The following TGFBR3 variants were observed in gnomAD, a reference collection of about 807,000 sequenced individuals.
The protein encoded by TGFBR3 is transforming growth factor beta receptor type 3.
Under a neutral mutation model 87.9 loss-of-function variants are expected in TGFBR3, and 46 were observed. The ratio of observed to expected loss-of-function variants is 0.52; its 90% CI spans 0.41 to 0.67. The LOEUF is 0.67. TGFBR3 is among the 30% of genes least tolerant of loss of function. The pLI is 0.00. For missense variants in TGFBR3, 866 were observed against 1,041.9 expected (o/e 0.83, Z 2.32); for synonymous variants, 381 against 391.6 (o/e 0.97, Z 0.32).
chr1:91,716,547 C>CT (rs764260230), intron 11 of TGFBR3, 21 bp downstream of exon 11: 1 of 1,614,076 alleles, frequency 6.2e-7, no homozygotes, highest in East Asian at 2.2e-5. Flanking sequence ...CACAAACCCC[C>CT]TACTGATAAC....
chr1:91,902,843 A>AAGG (rs374456350), intron 1 of TGFBR3, among the ~76,000 whole-genome samples: 149 of 152,054 alleles, frequency 9.8e-4, no homozygotes, highest in African/African-American at 3.3e-3. Context: ...TAGTTTAGGA[A>AAGG]AGGAGACAGC....
At chr1:91,854,946 C>T (rs534435943) in intron 2 of TGFBR3, among the ~76,000 whole-genome samples, 1 of 152,186 alleles carries the variant, frequency 6.6e-6, no homozygotes, top group Non-Finnish European at 1.5e-5. Context: ...AAATGAAATA[C>T]CTGTTATAAA....
intron 1 of TGFBR3, among the ~76,000 whole-genome samples, chr1:91,902,902 A>T (rs4261158): frequency 0.91 from 137,406 of 151,810 alleles, 63,001 homozygotes; most frequent in Non-Finnish European, 0.99. Context: ...CCCTGCCTGC[A>T]ATGCTGAGGA....
chr1:91,695,739 A>G lies in TGFBR3; in HGVS notation c.2370T>C (p.Ile790=). ...HGLDTLTVMG[I]AFAAFVIGAL... is the part of the protein sequence containing the mutation. The stretch of plus-strand genomic sequence containing the variant: ...CTCCGATCACAAAGGCTGCAAACGC[A>G]ATGCCCATCACGGTTAGGGTGTCCA... Residue 790 remains isoleucine, a synonymous_variant, in exon 16 of 17, where the codon ATT becomes ATC. Transcript: ENST00000212355. The G allele has an allele frequency of 1.2e-6, 2 of 1,614,200 alleles. No individual in the cohort carries two copies. The highest frequency in any genetic ancestry group is 1.7e-6 in the Non-Finnish European group (2 of 1,180,016).
intron 2 of TGFBR3, among the ~76,000 whole-genome samples, chr1:91,834,156 C>A (rs1676969886): frequency 6.6e-6 from 1 of 152,136 alleles, no homozygotes; most frequent in Non-Finnish European, 1.5e-5. Flanking sequence ...GTTCTTTTAA[C>A]ACTCAAAGCT....
intron 2 of TGFBR3, among the ~76,000 whole-genome samples, chr1:91,807,838 G>C (rs929239780): frequency 2.0e-5 from 3 of 152,182 alleles, no homozygotes. Context: ...GGAGATACAG[G>C]AGCTGGGTTT....
chr1:91,793,400 A>G (rs1027390686), intron 3 of TGFBR3, among the ~76,000 whole-genome samples: 1 of 152,182 alleles, frequency 6.6e-6, no homozygotes, highest in African/African-American at 2.4e-5. Context: ...ATGAAAACCA[A>G]CTACTCCAGT....
At chr1:91,885,459 G>A (rs1156611565) in intron 1 of TGFBR3, among the ~76,000 whole-genome samples, 2 of 152,116 alleles carry the variant, frequency 1.3e-5, no homozygotes, top group Non-Finnish European at 1.5e-5. Flanking sequence ...ACGAGTCCGG[G>A]AGCCACAGCC....
chr1:91,738,356 AC>A (rs1394126147), intron 4 of TGFBR3, among the ~76,000 whole-genome samples: 4 of 152,106 alleles, frequency 2.6e-5, no homozygotes, highest in Non-Finnish European at 5.9e-5. Context: ...TTGAATGGTA[AC>A]CCCCAACGTT....
chr1:91,747,886 C>A (rs921300009), intron 4 of TGFBR3, among the ~76,000 whole-genome samples: 1 of 152,214 alleles, frequency 6.6e-6, no homozygotes, highest in Non-Finnish European at 1.5e-5. Flanking sequence ...GGCCTCCCTG[C>A]GGACTTTGAT....
chr1:91,717,775 T>C (rs1460130857), intron 10 of TGFBR3, among the ~76,000 whole-genome samples: 44 of 151,192 alleles, frequency 2.9e-4, no homozygotes. Flanking sequence ...ATCTAGGATA[T>C]TGCTAAACTC....
chr1:91,720,895 C>G (rs2100784740), intron 8 of TGFBR3, among the ~76,000 whole-genome samples: 1 of 152,300 alleles, frequency 6.6e-6, no homozygotes, highest in African/African-American at 2.4e-5. Flanking sequence ...GGTATCTGGG[C>G]ACCTTGGCCT....
rs1188698208 is a variant in TGFBR3 at position 91,719,761 on chromosome 1, TC to T, written c.1413+131del. On this transcript the variant is annotated intron_variant, in intron 9 of 16. Transcript: ENST00000212355. ...TCACAGCCAAGGGGAAGTAGGCCCA[TC>T]CAACTGAGAAAACAGTATCAAGCCT... 6 of 1,051,984 alleles carry T rather than the reference TC, an allele frequency of 5.7e-6. No individual in the cohort carries two copies. In the African/African-American group the frequency reaches 9.4e-5, roughly 16 times the overall value. 65.2% of individuals were successfully genotyped at this position (1,051,984 alleles called of 1,614,324 possible).
At chr1:91,688,775 G>A (rs1671178043) in intron 16 of TGFBR3, among the ~76,000 whole-genome samples, 1 of 152,072 alleles carries the variant, frequency 6.6e-6, no homozygotes, top group Non-Finnish European at 1.5e-5. Context: ...CCCAAGTCAG[G>A]TAAGAGGTTT....
chr1:91,884,338 C>A (rs565157810), intron 1 of TGFBR3, among the ~76,000 whole-genome samples: 1 of 151,322 alleles, frequency 6.6e-6, no homozygotes, highest in South Asian at 2.1e-4. Context: ...AAAAAAATTT[C>A]CATGTTAATT....
chr1:91,707,831 C>G (rs1671845741), intron 14 of TGFBR3, among the ~76,000 whole-genome samples: 1 of 152,238 alleles, frequency 6.6e-6, no homozygotes, highest in Admixed American at 6.5e-5. Context: ...CAGATGCTGA[C>G]AGCTGCCTGG....
intron 14 of TGFBR3, among the ~76,000 whole-genome samples, chr1:91,705,598 T>C (rs974387252): frequency 1.3e-5 from 2 of 152,130 alleles, no homozygotes; most frequent in Non-Finnish European, 2.9e-5. Flanking sequence ...GTGGTCTGCA[T>C]TGAGGATAAA....
intron 2 of TGFBR3, among the ~76,000 whole-genome samples, chr1:91,896,409 C>G (rs1312856782): frequency 1.3e-5 from 2 of 152,142 alleles, no homozygotes; most frequent in Non-Finnish European, 2.9e-5. Flanking sequence ...TGCAAAGGTT[C>G]TGAGTGTTAT....
At chr1:91,877,032 T>G (rs774510592) in intron 1 of TGFBR3, among the ~76,000 whole-genome samples, 21 of 152,184 alleles carry the variant, frequency 1.4e-4, no homozygotes, top group Admixed American at 5.2e-4. Flanking sequence ...TTATAAGAGT[T>G]GCCAACTACA....
Sources: gnomAD v4.1 joint callset for allele counts (sites outside exome capture counted in the v4.1 genomes callset) on GRCh38, gnomAD v4.1.1 for gene constraint, MANE v1.5 for transcripts, NCBI Gene and HGNC (gene_info 2026-07-23, HGNC 2026-07-21) for gene names.